The following SLC8A1 variants were observed in gnomAD, a reference collection of about 807,000 sequenced individuals.
SLC8A1 encodes the protein solute carrier family 8 member A1.
SLC8A1 carries 18 observed loss-of-function variants against 68.3 expected under a neutral mutation model. That is an observed-to-expected ratio of 0.26 (90% CI 0.18 to 0.39). The LOEUF (loss-of-function observed/expected upper bound fraction) is 0.39. SLC8A1 is among the 10% of genes least tolerant of loss of function. SLC8A1 has a pLI of 1.00. For synonymous variants in SLC8A1, 475 were observed against 415.5 expected (o/e 1.14, Z -1.74); for missense variants, 985 against 1,156.7 (o/e 0.85, Z 2.15).
At chr2:40,318,197 T>C (rs188126527) in intron 2 of SLC8A1, among the ~76,000 whole-genome samples, 1 of 152,080 alleles carries the variant, frequency 6.6e-6, no homozygotes, top group African/African-American at 2.4e-5. Flanking sequence ...AATCATCCAG[T>C]GATTTTTAAA....
intron 1 of SLC8A1, among the ~76,000 whole-genome samples, chr2:40,440,455 A>T (rs1700255617): frequency 6.6e-6 from 1 of 152,160 alleles, no homozygotes. Context: ...CATCAATATC[A>T]ATGATTAATA....
At chr2:40,340,054 A>AC (rs1199600410) in intron 2 of SLC8A1, among the ~76,000 whole-genome samples, 6 of 152,154 alleles carry the variant, frequency 3.9e-5, no homozygotes, top group African/African-American at 1.4e-4. Flanking sequence ...GTTCATATGC[A>AC]AAAAAACCAA....
chr2:40,455,876 C>A (rs1395713112), upstream of SLC8A1, among the ~76,000 whole-genome samples: 1 of 152,202 alleles, frequency 6.6e-6, no homozygotes, highest in Admixed American at 6.5e-5. Context: ...CAGACTGGGG[C>A]AGCCTTCCTG....
chr2:40,315,448 T>TC (rs891086504), intron 2 of SLC8A1, among the ~76,000 whole-genome samples: 2 of 151,522 alleles, frequency 1.3e-5, no homozygotes, highest in African/African-American at 2.4e-5. Flanking sequence ...ATTTTTTTTT[T>TC]TTTTTTTGGA....
chr2:40,511,205 G>C (rs1242945438), intron 1 of SLC8A1, among the ~76,000 whole-genome samples: 1 of 151,832 alleles, frequency 6.6e-6, no homozygotes, highest in East Asian at 1.9e-4. Flanking sequence ...AAAAACAATT[G>C]GTTCAAATCT....
chr2:40,273,544 T>A (rs1235470243), intron 2 of SLC8A1, among the ~76,000 whole-genome samples: 2 of 152,206 alleles, frequency 1.3e-5, no homozygotes, highest in Non-Finnish European at 2.9e-5. Flanking sequence ...GAGCTTGATT[T>A]GAAGGACAAC....
At chr2:40,331,622 C>A (rs944143992) in intron 2 of SLC8A1, among the ~76,000 whole-genome samples, 1 of 151,496 alleles carries the variant, frequency 6.6e-6, no homozygotes, top group African/African-American at 2.4e-5. Flanking sequence ...GAGACGGAGT[C>A]TCGCTCTGTC....
intron 2 of SLC8A1, among the ~76,000 whole-genome samples, chr2:40,303,987 C>T (rs552190558): frequency 1.3e-5 from 2 of 152,226 alleles, no homozygotes; most frequent in African/African-American, 2.4e-5. Flanking sequence ...GACAGGCACC[C>T]GGATCAACAA....
intron 2 of SLC8A1, among the ~76,000 whole-genome samples, chr2:40,255,604 T>C (rs945859049): frequency 2.0e-5 from 3 of 152,222 alleles, no homozygotes; most frequent in African/African-American, 7.2e-5. Context: ...GAGTTTATTT[T>C]TCTTATTTGT....
intron 2 of SLC8A1, among the ~76,000 whole-genome samples, chr2:40,349,506 C>A (rs1365299565): frequency 1.3e-5 from 2 of 152,204 alleles, no homozygotes; most frequent in Non-Finnish European, 2.9e-5. Flanking sequence ...CTCATAGCAG[C>A]TAAATGACCT....
intron 2 of SLC8A1, among the ~76,000 whole-genome samples, chr2:40,398,592 T>A (rs535225955): frequency 8.5e-5 from 13 of 152,202 alleles, no homozygotes; most frequent in Non-Finnish European, 1.5e-4. Context: ...TTTATTTTTA[T>A]AAAAATGCAA....
intron 2 of SLC8A1, among the ~76,000 whole-genome samples, chr2:40,411,913 C>G (rs1252112191): frequency 6.6e-6 from 1 of 152,088 alleles, no homozygotes; most frequent in Non-Finnish European, 1.5e-5. Context: ...ACTCAACAGT[C>G]AAAATTGAAT....
At chr2:40,154,678 T>C (rs1028572527) in intron 6 of SLC8A1, among the ~76,000 whole-genome samples, 3 of 151,990 alleles carry the variant, frequency 2.0e-5, no homozygotes, top group Non-Finnish European at 4.4e-5. Context: ...TTTTCTTTTT[T>C]GTTTTTGGAG....
chr2:40,410,663 C>T lies in SLC8A1; in HGVS notation c.1808+17810G>A, dbSNP rs951497952. 1.2e-4 allele frequency among the ~76,000 whole-genome samples: 19 copies of T among 152,060 alleles called. No homozygotes were observed. In the East Asian group the frequency reaches 1.9e-3, roughly 15 times the overall value. On this transcript the variant is annotated intron_variant, in intron 2 of 7. Transcript: ENST00000406785. ...ACTATAGTTAAATCCAGCTAATTAA[C>T]GTATGCATTACTTCACAGTTATCAT...
intron 1 of SLC8A1, among the ~76,000 whole-genome samples, chr2:40,489,344 A>T (rs1705172915): frequency 6.6e-6 from 1 of 152,172 alleles, no homozygotes; most frequent in Middle Eastern, 3.2e-3. Context: ...CATACGTGCA[A>T]ACACATGTAT....
intron 2 of SLC8A1, among the ~76,000 whole-genome samples, chr2:40,329,025 C>G (rs2076136061): frequency 6.6e-6 from 1 of 151,464 alleles, no homozygotes; most frequent in East Asian, 1.9e-4. Flanking sequence ...TCAACTCACA[C>G]TACTTCTCTA....
chr2:40,255,689 A>T (rs773887309), intron 2 of SLC8A1, among the ~76,000 whole-genome samples: 6 of 152,220 alleles, frequency 3.9e-5, no homozygotes, highest in Non-Finnish European at 8.8e-5. Context: ...TAAGAGAATA[A>T]TGAAAAGAGT....
At chr2:40,155,608 T>C (rs1349093896) in intron 6 of SLC8A1, among the ~76,000 whole-genome samples, 1 of 152,226 alleles carries the variant, frequency 6.6e-6, no homozygotes, top group Non-Finnish European at 1.5e-5. Flanking sequence ...GTACCATTTT[T>C]ATTAAGACTT....
intron 1 of SLC8A1, among the ~76,000 whole-genome samples, chr2:40,478,228 C>A (rs1704410039): frequency 1.0e-5 from 1 of 98,120 alleles, no homozygotes; most frequent in African/African-American, 4.0e-5. Flanking sequence ...ACCCACCCGC[C>A]CTCACACACA....
Sources: gnomAD v4.1 joint callset for allele counts (sites outside exome capture counted in the v4.1 genomes callset) on GRCh38, gnomAD v4.1.1 for gene constraint, MANE v1.5 for transcripts, NCBI Gene and HGNC (gene_info 2026-07-23, HGNC 2026-07-21) for gene names.